SLC25A17: variants seen among roughly 807,000 people sequenced by gnomAD.
SLC25A17 encodes the protein solute carrier family 25 member 17, also known as peroxisomal membrane protein PMP34.
Under a neutral mutation model 38.5 loss-of-function variants are expected in SLC25A17, and 26 were observed. The ratio of observed to expected loss-of-function variants is 0.68; its 90% CI spans 0.50 to 0.94. SLC25A17 has a LOEUF of 0.94. Among genes scored for constraint, SLC25A17 ranks in the 40% least tolerant of loss-of-function variants. SLC25A17 has a pLI of 0.00. For synonymous variants in SLC25A17, 139 were observed against 136.2 expected, an observed-to-expected ratio of 1.02 and a Z score of -0.14; for missense variants, 333 against 372.7, an observed-to-expected ratio of 0.89 and a Z score of 0.88.
At chr22:40,803,174 GC>G (rs1299393412) in intron 1 of SLC25A17, among the ~76,000 whole-genome samples, 1 of 152,006 alleles carries the variant, frequency 6.6e-6, no homozygotes, top group Non-Finnish European at 1.5e-5. Flanking sequence ...GCCCAAGTTG[GC>G]CTTGAACTCC....
At chr22:40,812,883 T>A (rs1156302386) in intron 1 of SLC25A17, among the ~76,000 whole-genome samples, 13 of 152,046 alleles carry the variant, frequency 8.6e-5, no homozygotes, top group East Asian at 1.9e-4. Flanking sequence ...AATAAAAATT[T>A]AAAAAAATTT....
intron 1 of SLC25A17, among the ~76,000 whole-genome samples, chr22:40,800,532 A>G (rs1299174210): frequency 6.6e-6 from 1 of 152,146 alleles, no homozygotes; most frequent in Non-Finnish European, 1.5e-5. Context: ...CCAAGTATTT[A>G]GGACTACAGA....
At chr22:40,795,755 T>C (rs17002162) in intron 2 of SLC25A17, among the ~76,000 whole-genome samples, 4,485 of 152,248 alleles carry the variant, frequency 0.029, 213 homozygotes, top group African/African-American at 0.1. Context: ...ACAGATGTGG[T>C]CGGCAGCAAA....
chr22:40,806,294 T>C (rs1283129862), intron 1 of SLC25A17, among the ~76,000 whole-genome samples: 1 of 152,230 alleles, frequency 6.6e-6, no homozygotes, highest in African/African-American at 2.4e-5. Context: ...TCTTTTAGGC[T>C]TTGTTAGAAA....
At chr22:40,774,087 G>C in intron 7 of SLC25A17, 68 bp from the exon 8 acceptor site, 1 of 941,140 alleles carries the variant, frequency 1.1e-6, no homozygotes, top group South Asian at 1.3e-5. Context: ...TTTACCTGGG[G>C]AGGATATTAT....
chr22:40,781,917 C>T (rs912282087), intron 4 of SLC25A17, among the ~76,000 whole-genome samples: 1 of 151,958 alleles, frequency 6.6e-6, no homozygotes, highest in Non-Finnish European at 1.5e-5. Context: ...TTTGTAAGCC[C>T]GTGTAACTCT....
At chr22:40,812,954 C>T (rs1354440145) in intron 1 of SLC25A17, among the ~76,000 whole-genome samples, 1 of 152,094 alleles carries the variant, frequency 6.6e-6, no homozygotes, top group Non-Finnish European at 1.5e-5. Context: ...AGATTAAAAG[C>T]CACTTACAAT....
intron 1 of SLC25A17, 43 bp from the exon 2 acceptor site, chr22:40,799,126 T>C: frequency 2.0e-6 from 3 of 1,531,170 alleles, no homozygotes; most frequent in Non-Finnish European, 2.7e-6. Flanking sequence ...ACAAACATAG[T>C]TTAAGTCACA....
intron 2 of SLC25A17, among the ~76,000 whole-genome samples, chr22:40,798,816 T>G (rs981331784): frequency 6.6e-6 from 1 of 151,126 alleles, no homozygotes; most frequent in African/African-American, 2.4e-5. Context: ...AAAAAGAGGT[T>G]CCTGTAATCC....
intron 1 of SLC25A17, 65 bp downstream of exon 1, chr22:40,819,130 C>T: frequency 1.9e-6 from 3 of 1,563,762 alleles, no homozygotes; most frequent in East Asian, 2.3e-5. Context: ...TCAGGCATAT[C>T]CCGGGACTGG....
intron 1 of SLC25A17, among the ~76,000 whole-genome samples, chr22:40,806,834 C>T (rs1273018736): frequency 2.0e-5 from 3 of 152,144 alleles, no homozygotes; most frequent in African/African-American, 7.2e-5. Context: ...CTTTTTGCTA[C>T]CGGCTTTTCC....
At chr22:40,803,423 G>A (rs907318610) in intron 1 of SLC25A17, among the ~76,000 whole-genome samples, 4 of 152,044 alleles carry the variant, frequency 2.6e-5, no homozygotes, top group Non-Finnish European at 5.9e-5. Flanking sequence ...TCTGTGCCTG[G>A]CTTACTTCAC....
chr22:40,803,041 T>C (rs1182945014), intron 1 of SLC25A17, among the ~76,000 whole-genome samples: 1 of 152,244 alleles, frequency 6.6e-6, no homozygotes, highest in African/African-American at 2.4e-5. Context: ...TCTTCTCTTC[T>C]AGCTATCCTG....
intron 1 of SLC25A17, among the ~76,000 whole-genome samples, chr22:40,802,005 T>A (rs1435040754): frequency 6.6e-6 from 1 of 152,082 alleles, no homozygotes; most frequent in Non-Finnish European, 1.5e-5. Flanking sequence ...TTGGCCAGGC[T>A]GGTCTCGAAC....
At chr22:40,772,128 A>G (rs1018767923) in intron 8 of SLC25A17, among the ~76,000 whole-genome samples, 4 of 152,132 alleles carry the variant, frequency 2.6e-5, no homozygotes, top group African/African-American at 9.7e-5. Flanking sequence ...GGGTCCTATA[A>G]TAGGTGTGGT....
intron 1 of SLC25A17, among the ~76,000 whole-genome samples, chr22:40,818,661 G>A (rs556702952): frequency 2.7e-5 from 4 of 147,848 alleles, no homozygotes; most frequent in Admixed American, 6.8e-5. Flanking sequence ...AGTCGTGATC[G>A]CGCCACTGCA....
chr22:40,788,978 A>G (rs925929597), intron 4 of SLC25A17: 10 of 332,898 alleles, frequency 3.0e-5, no homozygotes, highest in Middle Eastern at 4.1e-4. Flanking sequence ...TCCCCATAGA[A>G]GTGCTCTTTG....
At chr22:40,781,003 C>T (rs941239110) in intron 4 of SLC25A17, among the ~76,000 whole-genome samples, 1 of 151,696 alleles carries the variant, frequency 6.6e-6, no homozygotes, top group East Asian at 1.9e-4. Flanking sequence ...GACTCCATCT[C>T]TAAAAAAAAT....
intron 1 of SLC25A17, among the ~76,000 whole-genome samples, chr22:40,810,960 TC>T (rs1275710790): frequency 6.6e-6 from 1 of 152,018 alleles, no homozygotes; most frequent in Non-Finnish European, 1.5e-5. Flanking sequence ...AGGGTCTCAC[TC>T]TATTGCCCTG....
Sources: allele counts gnomAD v4.1 joint callset (sites outside exome capture counted in the v4.1 genomes callset), GRCh38; gene constraint gnomAD v4.1.1; transcripts MANE v1.5; gene names NCBI Gene and HGNC (gene_info 2026-07-23, HGNC 2026-07-21).